TTC21A: variants seen among roughly 807,000 people sequenced by gnomAD.
TTC21A encodes the protein tetratricopeptide repeat protein 21A.
A neutral mutation model predicts 156.4 loss-of-function variants in TTC21A; 128 were observed. The ratio of observed to expected loss-of-function variants is 0.82; its 90% CI spans 0.71 to 0.95. TTC21A has a LOEUF of 0.95. Ranked by LOEUF, TTC21A falls within the 40% of genes least tolerant of loss-of-function variation. The probability of loss-of-function intolerance (pLI) is 0.00; values close to 1 mark genes in which losing one functional copy is unlikely to be tolerated. For synonymous variants in TTC21A, 587 were observed against 617.1 expected (o/e 0.95, Z 0.72); for missense variants, 1,435 against 1,602.3 (o/e 0.90, Z 1.78).
At chr3:39,125,641 G>A (rs891164541) in intron 11 of TTC21A, 109 bp downstream of exon 11, 2 of 837,520 alleles carry the variant, frequency 2.4e-6, no homozygotes, top group Non-Finnish European at 4.1e-6. Flanking sequence ...AAGTAAGGAT[G>A]GGGTGAGCCT....
In TTC21A at chr3:39,125,315, G is replaced by A. The variant is rs138500340; in HGVS notation, c.1192-17G>A. 1,522 of 1,612,054 alleles carry A rather than the reference G, an allele frequency of 9.4e-4. 10 individuals are homozygous for A. The highest frequency in any genetic ancestry group is 8.4e-3 in the South Asian group (765 of 90,998). On this transcript the variant is annotated splice_polypyrimidine_tract_variant and intron_variant, in intron 10 of 28. Coordinates refer to ENST00000683103, the MANE Select transcript of TTC21A (RefSeq NM_001366900.1). The stretch of plus-strand genomic sequence containing the variant: ...CAGGCTGACATTGGCACTGAGACTC[G>A]GTCCTCTCTTCCACAGGTGCTAATT...
rs746070646 is a variant in TTC21A, at chr3:39,137,049, A to G, written c.3246A>G (p.Gly1082=). 6.2e-7 allele frequency: 1 copy of G among 1,612,016 alleles called. No homozygotes were observed. Among genetic ancestry groups the G allele is most frequent in the Non-Finnish European group, 8.5e-7 (1 of 1,179,358 alleles). ...GCGGAGAGGCTTTTGAGAACCAGGGAGCTGAGAGCAAGTAAGGGCCCATGG... is the reference window on the plus strand; with the variant it reads ...GCGGAGAGGCTTTTGAGAACCAGGGGGCTGAGAGCAAGTAAGGGCCCATGG... The part of the protein sequence containing the change: ...VVGGEAFENQ[G]AESNYMEKKE... Residue 1082 remains glycine (G), a synonymous_variant, in exon 24 of 29, where the codon GGA becomes GGG. Transcript: ENST00000683103.
chr3:39,128,812 CA>C lies in TTC21A; in HGVS notation c.1779del (p.Lys593AsnfsTer5). 6.2e-7 allele frequency: 1 copy of C among 1,614,176 alleles called. No homozygotes were observed. The highest frequency in any genetic ancestry group is 8.5e-7 in the Non-Finnish European group (1 of 1,180,038). ...EAIKTLKMVI[K>X]LPALKKEEGR... ...CCATAAAGACGCTGAAAATGGTCATCAAATTGCCAGCTCTGAAGAAGGAAGA... is the reference window on the plus strand; with the variant it reads ...CCATAAAGACGCTGAAAATGGTCATCAATTGCCAGCTCTGAAGAAGGAAGA... On this transcript the variant is annotated frameshift_variant, in exon 14 of 29. Coordinates refer to ENST00000683103, the MANE Select transcript of TTC21A (RefSeq NM_001366900.1). LOFTEE classifies it high-confidence loss of function.
At chr3:39,119,805 G>C (rs1159790791) in intron 7 of TTC21A, 117 bp from the exon 8 acceptor site, 1 of 709,466 alleles carries the variant, frequency 1.4e-6, no homozygotes, top group Non-Finnish European at 2.5e-6. Context: ...GTTGTGCCTG[G>C]GCATGGGCAT....
chr3:39,136,149 A>G (rs1559717210), intron 22 of TTC21A: 1 of 511,452 alleles, frequency 2.0e-6, no homozygotes, highest in Non-Finnish European at 3.4e-6. Flanking sequence ...AGTGCTATAT[A>G]AGTGTTAGCT....
rs2039126937 is a variant in TTC21A at position 39,136,521 on chromosome 3, GGT to G, written c.3095+19_3095+20del. The G allele has an allele frequency of 6.2e-7, 1 of 1,613,036 alleles. No individual in the cohort carries two copies. Among genetic ancestry groups the G allele is most frequent in the Non-Finnish European group, 8.5e-7 (1 of 1,179,316 alleles). ...TATCTACTGCTGGTGAGTTGGGTGT[GGT>G]GTGTTGAGGGGCAGCTGTGTGCAGG... On this transcript the variant is annotated intron_variant, in intron 23 of 28. Coordinates refer to ENST00000683103, the MANE Select transcript of TTC21A (RefSeq NM_001366900.1).
chr3:39,132,496 A>G (rs1450637403), intron 19 of TTC21A, among the ~76,000 whole-genome samples: 1 of 152,172 alleles, frequency 6.6e-6, no homozygotes, highest in African/African-American at 2.4e-5. Context: ...GAGATGATTT[A>G]TCCCCTTGTT....
Position 39,138,397 on chromosome 3 carries a change from C to T in TTC21A, c.3796+10C>T, listed in dbSNP as rs764095728. 1.2e-6 allele frequency: 2 copies of T among 1,613,988 alleles called. No homozygotes were observed. Among genetic ancestry groups the T allele is most frequent in the Non-Finnish European group, 1.7e-6 (2 of 1,179,922 alleles). ...GCCAACCCTGCCATTGGTAAGGCAA[C>T]CAGCCAGGGTGCACGTGAATGGACG... On this transcript the variant is annotated intron_variant, in intron 27 of 28. Transcript: ENST00000683103.
Position 39,137,727 on chromosome 3 carries a change from A to G in TTC21A, c.3675+17A>G, listed in dbSNP as rs1467864748. 6.2e-7 allele frequency: 1 copy of G among 1,603,074 alleles called. No individual in the cohort carries two copies. Among genetic ancestry groups the G allele is most frequent in the South Asian group, 1.1e-5 (1 of 89,922 alleles). ...TACAACAAGGCAAGGAGCCACACAC[A>G]CACTAGGGCTGCGGGATGGCGGAAA... is the stretch of plus-strand genomic sequence containing the variant. On this transcript the variant is annotated intron_variant, in intron 26 of 28. Coordinates refer to ENST00000683103, the MANE Select transcript of TTC21A (RefSeq NM_001366900.1).
In TTC21A at chr3:39,134,976, C is replaced by CA. The variant is rs1388218560; in HGVS notation, c.2863-115dup. The CA allele has an allele frequency of 6.6e-6, 6 of 903,430 alleles. No individual in the cohort carries two copies. Among genetic ancestry groups the CA allele is most frequent in the African/African-American group, 6.5e-5 (4 of 61,360 alleles). The allele number at this position is 903,430 out of a possible 1,614,324, so 56.0% of individuals were successfully genotyped here. A position where few individuals can be genotyped will look rare whatever the true frequency, so the allele number is the denominator to read the frequency against. On this transcript the variant is annotated intron_variant, in intron 21 of 28. Transcript: ENST00000683103. This position sits in a 1 kb window ranked among gnomAD's most constrained non-coding sequence, Gnocchi z 4.6. ...CACAAGGCCTAGGGAGGCTGCCTTGCAAGTCCTTTTCTACCTTCCCTTCTT... is the reference window on the plus strand; with the variant it reads ...CACAAGGCCTAGGGAGGCTGCCTTGCAAAGTCCTTTTCTACCTTCCCTTCTT...
rs1298316554 is a variant in TTC21A at position 39,110,037 on chromosome 3, C to T, written c.166C>T (p.Gln56Ter). Residue 56 changes from glutamine to a stop codon, truncating the protein, a stop_gained, in exon 3 of 29, where the codon CAG becomes TAG. Transcript: ENST00000683103. LOFTEE classifies it high-confidence loss of function. ...AYGVLKEEHI[Q>*]DAISDLESIR... Reference sequence around the variant, plus strand: ...GTGGACTGTCTTTGCAGAGCACATCCAGGATGCCATCAGTGACCTGGAAAG... The same window carrying T: ...GTGGACTGTCTTTGCAGAGCACATCTAGGATGCCATCAGTGACCTGGAAAG... 1 of 1,613,446 alleles carries T rather than the reference C, an allele frequency of 6.2e-7. No individual in the cohort carries two copies. The highest frequency in any genetic ancestry group is 1.7e-5 in the Admixed American group (1 of 60,018).
chr3:39,137,553 C>T lies in TTC21A; in HGVS notation c.3518C>T (p.Ala1173Val), dbSNP rs764077469. The change falls in exon 26 of 29, where the codon GCG (alanine) becomes GTG (valine). Residue 1173 changes from alanine (A) to valine (V), a missense_variant. By Grantham distance (64) the Ala-to-Val change is moderately conservative. Coordinates refer to ENST00000683103, the MANE Select transcript of TTC21A (RefSeq NM_001366900.1). ...AYVFLKQIPKARMQLKRLAKT... is the reference protein window; with the variant it reads ...AYVFLKQIPKVRMQLKRLAKT... ...GTGTTCCTGAAGCAGATCCCCAAGG[C>T]GCGTATGCAGTTGAAGCGCCTGGCC... The T allele has an allele frequency of 2.8e-5, 45 of 1,614,108 alleles. No individual in the cohort carries two copies. Among genetic ancestry groups the T allele is most frequent in the South Asian group, 2.6e-4 (24 of 91,092 alleles).
intron 22 of TTC21A, among the ~76,000 whole-genome samples, chr3:39,135,574 G>T (rs1056361110): frequency 6.6e-6 from 1 of 152,238 alleles, no homozygotes; most frequent in Admixed American, 6.5e-5. Context: ...CTGAGGCTCA[G>T]GTTGGAGCCC....
chr3:39,138,873 G>A lies in TTC21A; in HGVS notation c.*85G>A. The A allele has an allele frequency of 8.8e-7, 1 of 1,133,602 alleles. No individual in the cohort carries two copies. The highest frequency in any genetic ancestry group is 1.4e-5 in the South Asian group (1 of 71,564). 70.2% of individuals were successfully genotyped at this position (1,133,602 alleles called of 1,614,324 possible). A position where few individuals can be genotyped will look rare whatever the true frequency, so the allele number is the denominator to read the frequency against. On this transcript the variant is annotated 3_prime_UTR_variant, in exon 29 of 29. Coordinates refer to ENST00000683103, the MANE Select transcript of TTC21A (RefSeq NM_001366900.1). ...ATGGAAAGTGGGTCAGTGGAGAAGGGATTCAGAAAATGACACATTCTTCCC... is the reference window on the plus strand; with the variant it reads ...ATGGAAAGTGGGTCAGTGGAGAAGGAATTCAGAAAATGACACATTCTTCCC...
chr3:39,114,631 TG>T lies in TTC21A; in HGVS notation c.607del (p.Val203Ter). ...CAGAACTACTCAGAGGCCCTGGAGG[TG>T]GTGAACCAGATCACTGTGACTTCAG... ...MQQNYSEALE[V>X]VNQITVTSGS... On this transcript the variant is annotated frameshift_variant, in exon 6 of 29. Coordinates refer to ENST00000683103, the MANE Select transcript of TTC21A (RefSeq NM_001366900.1). LOFTEE classifies it high-confidence loss of function. The T allele has an allele frequency of 1.2e-6, 2 of 1,614,062 alleles. No individual in the cohort carries two copies. The highest frequency in any genetic ancestry group is 1.1e-5 in the South Asian group (1 of 91,086).
chr3:39,117,622 T>TACACA (rs1178965039), intron 6 of TTC21A, among the ~76,000 whole-genome samples: 1 of 152,234 alleles, frequency 6.6e-6, no homozygotes, highest in Non-Finnish European at 1.5e-5. Context: ...ACAACTTAAA[T>TACACA]AACATAAAAG....
intron 22 of TTC21A, among the ~76,000 whole-genome samples, chr3:39,135,498 G>A (rs2039044499): frequency 6.6e-6 from 1 of 152,222 alleles, no homozygotes; most frequent in African/African-American, 2.4e-5. Context: ...CTCCCCCGTT[G>A]TATAGCTTCA....
intron 22 of TTC21A, among the ~76,000 whole-genome samples, chr3:39,135,401 G>T (rs1365996130): frequency 6.6e-6 from 1 of 152,224 alleles, no homozygotes; most frequent in Non-Finnish European, 1.5e-5. Flanking sequence ...CTGGACCCAG[G>T]ACAGCATGTC....
At chr3:39,107,931 G>A (rs2036363701) in intron 1 of TTC21A, 67 bp downstream of exon 1, 1 of 1,579,972 alleles carries the variant, frequency 6.3e-7, no homozygotes, top group Non-Finnish European at 8.7e-7. Flanking sequence ...GAGACCGTCT[G>A]CCCTGCTACT....
Sources: gnomAD v4.1 joint callset for allele counts (sites outside exome capture counted in the v4.1 genomes callset) on GRCh38, gnomAD v4.1.1 for gene constraint, Gnocchi (gnomAD v3.1) non-coding constraint, MANE v1.5 for transcripts, NCBI Gene and HGNC (gene_info 2026-07-23, HGNC 2026-07-21) for gene names.